The following CDH8 variants were observed in gnomAD, a reference collection of about 807,000 sequenced individuals.
CDH8 encodes the protein cadherin 8.
Under a neutral mutation model 68.1 loss-of-function variants are expected in CDH8, and 17 were observed. The observed-to-expected ratio is 0.25, with a 90% CI of 0.17 to 0.37. The LOEUF (loss-of-function observed/expected upper bound fraction) is 0.37. Among genes scored for constraint, CDH8 ranks in the 10% least tolerant of loss-of-function variants. CDH8 has a pLI of 1.00. For missense variants in CDH8, 763 were observed against 999.3 expected (o/e 0.76, Z 3.19); for synonymous variants, 372 against 365.1 (o/e 1.02, Z -0.21).
At chr16:61,708,954 A>C (rs1199261042) in intron 10 of CDH8, among the ~76,000 whole-genome samples, 1 of 152,158 alleles carries the variant, frequency 6.6e-6, no homozygotes, top group East Asian at 1.9e-4. Flanking sequence ...CGCTTTGAAA[A>C]AGTCCACTAT....
At chr16:61,972,468 T>G (rs770932530) in intron 2 of CDH8, among the ~76,000 whole-genome samples, 7 of 152,142 alleles carry the variant, frequency 4.6e-5, no homozygotes, top group African/African-American at 1.4e-4. Context: ...AGTGAAAAGT[T>G]GGATAGAGTC....
Position 61,768,367 on chromosome 16 carries a change from T to TCC in CDH8, c.1414+20977_1414+20978dup, listed in dbSNP as rs1567461154. On this transcript the variant is annotated intron_variant, in intron 8 of 11. Transcript: ENST00000577390. ...CTCTCTCTCTCTCTCTCTCTCTCTC[T>TCC]CCCTTTCTCTCTCTCTCTCTCTCTC... is the stretch of plus-strand genomic sequence containing the variant. Among the ~76,000 whole-genome samples, 289 of 80,566 alleles carry TCC rather than the reference T, an allele frequency of 3.6e-3. 3 individuals carry two copies. Among genetic ancestry groups the TCC allele is most frequent in the Middle Eastern group, 7.6e-3 (1 of 132 alleles). 52.9% of individuals were successfully genotyped at this position (80,566 alleles called of 152,430 possible).
intron 3 of CDH8, among the ~76,000 whole-genome samples, chr16:61,900,101 A>G (rs1419995513): frequency 1.3e-5 from 2 of 152,314 alleles, no homozygotes; most frequent in Middle Eastern, 3.4e-3. Context: ...TTAATTTTAT[A>G]AAACTTGAGA....
intron 2 of CDH8, among the ~76,000 whole-genome samples, chr16:62,013,958 T>C (rs537241663): frequency 2.0e-4 from 30 of 152,340 alleles, no homozygotes; most frequent in African/African-American, 7.2e-4. Flanking sequence ...ATATGCAAGA[T>C]TCTTCTTATA....
chr16:61,819,851 G>C (rs1220339117), intron 6 of CDH8, among the ~76,000 whole-genome samples: 1 of 152,028 alleles, frequency 6.6e-6, no homozygotes, highest in East Asian at 1.9e-4. Context: ...TTGAGAACAA[G>C]CTAATCCATT....
intron 2 of CDH8, among the ~76,000 whole-genome samples, chr16:62,012,112 A>C (rs1414529744): frequency 6.6e-6 from 1 of 152,250 alleles, no homozygotes; most frequent in African/African-American, 2.4e-5. Context: ...ACTGTCTAGC[A>C]AACATTCTTA....
At chr16:61,936,750 G>T (rs1212750451) in intron 2 of CDH8, among the ~76,000 whole-genome samples, 1 of 152,126 alleles carries the variant, frequency 6.6e-6, no homozygotes, top group African/African-American at 2.4e-5. Flanking sequence ...GCCACCAGGG[G>T]TCCCACTGAT....
chr16:61,819,800 AATT>A (rs2143000461), intron 6 of CDH8, among the ~76,000 whole-genome samples: 1 of 152,186 alleles, frequency 6.6e-6, no homozygotes, highest in South Asian at 2.1e-4. Flanking sequence ...AAGTGAAAAA[AATT>A]ATTGACTCCC....
intron 8 of CDH8, among the ~76,000 whole-genome samples, chr16:61,759,549 C>T (rs1315183925): frequency 1.3e-5 from 2 of 152,108 alleles, no homozygotes; most frequent in Admixed American, 6.6e-5. Context: ...ACTGGATACT[C>T]ATCAAGGAAC....
chr16:61,680,706 G>A (rs1242206069), intron 10 of CDH8, among the ~76,000 whole-genome samples: 1 of 151,738 alleles, frequency 6.6e-6, no homozygotes, highest in African/African-American at 2.4e-5. Context: ...TTTATTACTT[G>A]AGTCATCTGT....
chr16:61,660,318 A>T (rs1370488539), intron 10 of CDH8, among the ~76,000 whole-genome samples: 1 of 151,228 alleles, frequency 6.6e-6, no homozygotes, highest in Non-Finnish European at 1.5e-5. Context: ...GAGGGACAAT[A>T]AAAAATTAAC....
At chr16:61,908,270 C>T (rs752590387) in intron 2 of CDH8, among the ~76,000 whole-genome samples, 16 of 152,138 alleles carry the variant, frequency 1.1e-4, no homozygotes, top group Non-Finnish European at 1.8e-4. Flanking sequence ...AATTACTATC[C>T]TTAACTCAGA....
chr16:61,885,175 T>C (rs1342428247), intron 3 of CDH8, among the ~76,000 whole-genome samples: 1 of 152,172 alleles, frequency 6.6e-6, no homozygotes, highest in African/African-American at 2.4e-5. Flanking sequence ...TCTATGCTGT[T>C]AGAAGTCAGG....
chr16:61,857,048 C>A (rs1170360371), intron 4 of CDH8, 71 bp downstream of exon 4: 5 of 1,569,120 alleles, frequency 3.2e-6, no homozygotes, highest in African/African-American at 2.7e-5. Context: ...ATTTCATAAC[C>A]CAAATCCCAA....
chr16:61,741,462 A>C (rs1361118163), intron 8 of CDH8, among the ~76,000 whole-genome samples: 1 of 152,094 alleles, frequency 6.6e-6, no homozygotes, highest in African/African-American at 2.4e-5. Context: ...CTATTCCAGA[A>C]TTTGAAAATC....
chr16:61,648,255 C>T lies in CDH8; in HGVS notation c.*5353G>A, dbSNP rs927603415. 3.2e-5 allele frequency: 5 copies of T among 155,120 alleles called. No homozygotes were observed. Among genetic ancestry groups the T allele is most frequent in the Non-Finnish European group, 5.7e-5 (4 of 70,336 alleles). The allele number at this position is 155,120 out of a possible 1,614,324, so 9.6% of individuals were successfully genotyped here. On this transcript the variant is annotated 3_prime_UTR_variant, in exon 12 of 12. Transcript: ENST00000577390. ...CCATAAAACACTACAATTTGGCAAA[C>T]CTAGAGTTTCCTATAAGCACCTAAT...
At chr16:62,031,916 G>A (rs1239305743) in intron 1 of CDH8, 1 of 152,156 alleles carries the variant, frequency 6.6e-6, no homozygotes, top group Non-Finnish European at 1.5e-5. Flanking sequence ...TTTTGAAGTT[G>A]CCAGGTTCAA....
intron 10 of CDH8, among the ~76,000 whole-genome samples, chr16:61,694,768 TTGG>T (rs927663987): frequency 1.8e-4 from 27 of 151,754 alleles, no homozygotes; most frequent in Admixed American, 1.1e-3. Context: ...GTTGTTGCTG[TTGG>T]TGGTGGTGGT....
At chr16:61,953,728 G>A (rs546685484) in intron 2 of CDH8, among the ~76,000 whole-genome samples, 24 of 151,260 alleles carry the variant, frequency 1.6e-4, no homozygotes, top group African/African-American at 5.6e-4. Context: ...AACTAGCCAG[G>A]CATGGTGGCA....
Sources: gnomAD v4.1 joint callset for allele counts (sites outside exome capture counted in the v4.1 genomes callset) on GRCh38, gnomAD v4.1.1 for gene constraint, MANE v1.5 for transcripts, NCBI Gene and HGNC (gene_info 2026-07-23, HGNC 2026-07-21) for gene names.